The following LTBR variants were observed in gnomAD, a reference collection of about 807,000 sequenced individuals.
LTBR encodes lymphotoxin beta receptor.
Under a neutral mutation model 45.4 loss-of-function variants are expected in LTBR, and 15 were observed. The ratio of observed to expected loss-of-function variants is 0.33; its 90% CI spans 0.22 to 0.51. The LOEUF is 0.51. LTBR is among the 20% of genes least tolerant of loss of function. The pLI is 0.97. For synonymous variants in LTBR, 228 were observed against 231.0 expected (o/e 0.99, Z 0.12); for missense variants, 450 against 565.5 (o/e 0.80, Z 2.07).
intron 1 of LTBR, chr12:6,377,503 C>T (rs1438847005): frequency 1.8e-5 from 12 of 685,180 alleles, no homozygotes; most frequent in South Asian, 7.1e-5. Context: ...ATGTGAAAGC[C>T]GGGAAGGCCT....
chr12:6,389,145 A>G, intron 8 of LTBR: 1 of 290,378 alleles, frequency 3.4e-6, no homozygotes, highest in South Asian at 4.0e-5. Flanking sequence ...GGTATTTTAG[A>G]CAGAGTGGAG....
intron 2 of LTBR, 34 bp downstream of exon 2, chr12:6,384,718 G>T: frequency 6.3e-7 from 1 of 1,596,672 alleles, no homozygotes; most frequent in Non-Finnish European, 8.6e-7. Flanking sequence ...CCTGGGCCTC[G>T]GAAGTGGGTC....
chr12:6,383,095 T>G (rs947896629), upstream of LTBR, among the ~76,000 whole-genome samples: 1 of 152,126 alleles, frequency 6.6e-6, no homozygotes, highest in Non-Finnish European at 1.5e-5. Flanking sequence ...CACAGCCTGG[T>G]GGGAAGCAAA....
upstream of LTBR, chr12:6,383,936 C>T: frequency 1.1e-6 from 1 of 900,836 alleles, no homozygotes; most frequent in East Asian, 8.0e-5. Flanking sequence ...GGCCCGCCGC[C>T]CTTCCCTCGG....
rs1219107351 is a variant in LTBR, at chr12:6,386,229, G to A, written c.569+67G>A. On this transcript the variant is annotated intron_variant, in intron 5 of 9. Coordinates refer to ENST00000228918, the MANE Select transcript of LTBR (RefSeq NM_002342.3). This position sits in a 1 kb window ranked among gnomAD's most constrained non-coding sequence, Gnocchi z 4.1. The stretch of plus-strand genomic sequence containing the variant: ...GCCTCAGCTGCTAACAACCCCCAGC[G>A]CCTATCCTTGACACCACGGACTCGA... The A allele has an allele frequency of 4.3e-5, 64 of 1,505,400 alleles. No homozygotes were observed. The highest frequency in any genetic ancestry group is 1.8e-4 in the Middle Eastern group (1 of 5,430). 93.3% of individuals were successfully genotyped at this position (1,505,400 alleles called of 1,614,324 possible).
Position 6,386,471 on chromosome 12 carries a change from G to GGGA in LTBR, c.667+29_667+30insAGG. 6.4e-7 allele frequency: 1 copy of GGGA among 1,571,058 alleles called. No individual in the cohort carries two copies. Among genetic ancestry groups the GGGA allele is most frequent in the South Asian group, 1.1e-5 (1 of 89,796 alleles). Reference sequence around the variant, plus strand: ...TGAGGGACCAGGGCTGAGGGACACGGGGGGGGCGCCTCTGAAAATGCCTTA... The same window carrying GGGA: ...TGAGGGACCAGGGCTGAGGGACACGGGGAGGGGGGCGCCTCTGAAAATGCCTTA... On this transcript the variant is annotated intron_variant, in intron 6 of 9. Transcript: ENST00000228918. This position sits in a 1 kb window ranked among gnomAD's most constrained non-coding sequence, Gnocchi z 4.1.
chr12:6,376,258 C>T lies in LTBR; in HGVS notation c.39+664C>T, dbSNP rs1056666091. The T allele has an allele frequency of 4.4e-6, 4 of 912,660 alleles. No homozygotes were observed. The African/African-American group carries it at 7.2e-5, about 16-fold the overall frequency. 56.5% of individuals were successfully genotyped at this position (912,660 alleles called of 1,614,324 possible). A position where few individuals can be genotyped will look rare whatever the true frequency, so the allele number is the denominator to read the frequency against. ...TTTCCTGCTGATTCCTCGCCACCCCCTCCAACCTTGTCCAGACCCGGGAGG... is the reference window on the plus strand; with the variant it reads ...TTTCCTGCTGATTCCTCGCCACCCCTTCCAACCTTGTCCAGACCCGGGAGG... On this transcript the variant is annotated intron_variant, in intron 1 of 9. Transcript: ENST00000539925.
Position 6,384,268 on chromosome 12 carries a change from G to C in LTBR, c.-91G>C. 5 of 1,416,436 alleles carry C rather than the reference G, an allele frequency of 3.5e-6. No individual in the cohort carries two copies. Among genetic ancestry groups the C allele is most frequent in the Non-Finnish European group, 3.7e-6 (4 of 1,090,526 alleles). 87.7% of individuals were successfully genotyped at this position (1,416,436 alleles called of 1,614,324 possible). On this transcript the variant is annotated 5_prime_UTR_variant, in exon 1 of 10. Coordinates refer to ENST00000228918, the MANE Select transcript of LTBR (RefSeq NM_002342.3). ...GAGTCCCGTCCCAGGCTCTGGGCTC[G>C]GGCAGCCGCCGCCACCGCTGCCCAG...
chr12:6,377,041 G>A, intron 1 of LTBR: 1 of 526,448 alleles, frequency 1.9e-6, no homozygotes, highest in Non-Finnish European at 3.4e-6. Flanking sequence ...GGGGCTCACT[G>A]CAGGAGACTC....
chr12:6,390,929 C>A lies in LTBR; in HGVS notation c.1300C>A (p.His434Asn). ...GGGCCCAAGGAACCAATTTATCACC[C>A]ATGACTGACTGAGTCTGAGAAAAGG... is the stretch of plus-strand genomic sequence containing the variant. ...NRGPRNQFIT[H>N]D Residue 434 changes from histidine to asparagine, a missense_variant, in exon 10 of 10, where the codon CAT becomes AAT. Transcript: ENST00000228918. The A allele has an allele frequency of 6.4e-7, 1 of 1,563,742 alleles. No homozygotes were observed. The highest frequency in any genetic ancestry group is 8.7e-7 in the Non-Finnish European group (1 of 1,154,612).
At chr12:6,377,819 T>A (rs1948935180) in intron 1 of LTBR, 2 of 467,404 alleles carry the variant, frequency 4.3e-6, no homozygotes, top group African/African-American at 2.0e-5. Context: ...AGTTTTCATA[T>A]CAAGGGCTCT....
chr12:6,376,366 G>A (rs559233717), intron 1 of LTBR, among the ~76,000 whole-genome samples: 2 of 152,242 alleles, frequency 1.3e-5, no homozygotes, highest in Non-Finnish European at 2.9e-5. Flanking sequence ...CCAGGAATGT[G>A]TAATCGCCCC....
At chr12:6,390,485 G>T (rs1317705436) in intron 9 of LTBR, 145 bp downstream of exon 9, 2 of 993,750 alleles carry the variant, frequency 2.0e-6, no homozygotes, top group East Asian at 4.9e-5. Context: ...CTAGAGAAGA[G>T]GGAAGAGACT....
chr12:6,387,947 G>A, intron 6 of LTBR: 1 of 424,454 alleles, frequency 2.4e-6, no homozygotes, highest in Admixed American at 2.6e-5. Flanking sequence ...CTCCTCTACA[G>A]CAGCCCCTCT....
chr12:6,383,549 G>A (rs753480338), upstream of LTBR, among the ~76,000 whole-genome samples: 2 of 152,148 alleles, frequency 1.3e-5, no homozygotes, highest in African/African-American at 2.4e-5. Context: ...CCTCTCTTTG[G>A]GAGGGAGGTT....
chr12:6,390,411 C>A, intron 9 of LTBR, 71 bp downstream of exon 9: 3 of 1,352,418 alleles, frequency 2.2e-6, no homozygotes, highest in Admixed American at 2.2e-5. Flanking sequence ...AGACTGTGGG[C>A]CAGATGAAAT....
intron 1 of LTBR, chr12:6,376,170 C>T (rs962174716): frequency 5.9e-5 from 58 of 985,684 alleles, no homozygotes; most frequent in Non-Finnish European, 6.7e-5. Flanking sequence ...GTCTCCTCCC[C>T]GCTCACTAAG....
rs566178328 is a variant in LTBR at position 6,388,991 on chromosome 12, G to T, written c.801+166G>T. The stretch of plus-strand genomic sequence containing the variant: ...CCAGGCACTGTCCTAGGCACTGGGC[G>T]TACAGCAGTGAGCAAAACACAGTAC... On this transcript the variant is annotated intron_variant, in intron 8 of 9. Transcript: ENST00000228918. The surrounding 1 kb of genome is among the most constrained non-coding windows in gnomAD (Gnocchi z 4.3). The T allele has an allele frequency of 1.3e-5, 10 of 750,022 alleles. No homozygotes were observed. The East Asian group carries it at 2.4e-4, about 18-fold the overall frequency. 46.5% of individuals were successfully genotyped at this position (750,022 alleles called of 1,614,324 possible). A position where few individuals can be genotyped will look rare whatever the true frequency, so the allele number is the denominator to read the frequency against.
chr12:6,384,014 G>A, upstream of LTBR: 2 of 1,161,840 alleles, frequency 1.7e-6, no homozygotes, highest in Non-Finnish European at 2.1e-6. Flanking sequence ...GGCCGGTTCC[G>A]GCCCCGCGGC....
Sources: allele counts gnomAD v4.1 joint callset (sites outside exome capture counted in the v4.1 genomes callset), GRCh38; gene constraint gnomAD v4.1.1; non-coding constraint Gnocchi (gnomAD v3.1); transcripts MANE v1.5; gene names NCBI Gene and HGNC (gene_info 2026-07-23, HGNC 2026-07-21).